FHIP1A: variants seen among roughly 807,000 people sequenced by gnomAD.
The protein encoded by FHIP1A is FHF complex subunit HOOK interacting protein 1A.
In FHIP1A, 61 loss-of-function variants were observed where a neutral mutation model predicts 88.6. The ratio of observed to expected loss-of-function variants is 0.69; its 90% CI spans 0.56 to 0.85. The LOEUF (loss-of-function observed/expected upper bound fraction) is 0.85, where lower values mean the gene tolerates loss of function less well. Among genes scored for constraint, FHIP1A ranks in the 40% least tolerant of loss-of-function variants. FHIP1A has a pLI of 0.00. For missense variants in FHIP1A, 1,154 were observed against 1,273.5 expected, an observed-to-expected ratio of 0.91 and a Z score of 1.43; for synonymous variants, 478 against 496.0, an observed-to-expected ratio of 0.96 and a Z score of 0.48.
At chr4:151,571,958 A>G (rs1052359461) in intron 4 of FHIP1A, among the ~76,000 whole-genome samples, 3 of 152,220 alleles carry the variant, frequency 2.0e-5, no homozygotes, top group African/African-American at 7.2e-5. Flanking sequence ...CTGTAATCCC[A>G]GCACTTTGGG....
At chr4:151,527,552 CGAGAGA>C (rs1190794805) in intron 3 of FHIP1A, among the ~76,000 whole-genome samples, 5 of 151,418 alleles carry the variant, frequency 3.3e-5, no homozygotes, top group Admixed American at 6.6e-5. Flanking sequence ...AGAGCGAGAG[CGAGAGA>C]GAGAGGGAGA....
intron 3 of FHIP1A, among the ~76,000 whole-genome samples, chr4:151,505,162 A>G (rs1730789054): frequency 6.6e-6 from 1 of 152,146 alleles, no homozygotes; most frequent in Admixed American, 6.5e-5. Flanking sequence ...TGTATCACAA[A>G]AGTTCTAGGG....
chr4:151,416,958 A>G (rs1043846327), intron 1 of FHIP1A, among the ~76,000 whole-genome samples: 11 of 151,716 alleles, frequency 7.3e-5, no homozygotes, highest in African/African-American at 2.4e-4. Flanking sequence ...TAATTTTTGT[A>G]TTTTTTTGTA....
intron 7 of FHIP1A, among the ~76,000 whole-genome samples, chr4:151,605,670 C>G (rs988050496): frequency 3.9e-5 from 6 of 152,194 alleles, no homozygotes; most frequent in African/African-American, 1.4e-4. Context: ...TATAAGCCGC[C>G]GTGGAGCCCA....
intron 7 of FHIP1A, among the ~76,000 whole-genome samples, chr4:151,597,619 C>T (rs1341314718): frequency 6.6e-6 from 1 of 152,156 alleles, no homozygotes; most frequent in Non-Finnish European, 1.5e-5. Flanking sequence ...TCTGCTGAGG[C>T]TGTGCCCATA....
At chr4:151,654,376 C>T (rs1054873696) in intron 11 of FHIP1A, among the ~76,000 whole-genome samples, 1 of 152,066 alleles carries the variant, frequency 6.6e-6, no homozygotes, top group Non-Finnish European at 1.5e-5. Context: ...CCCCCCTGGT[C>T]ACTGCATGGT....
chr4:151,581,805 A>T (rs552228812), intron 5 of FHIP1A, among the ~76,000 whole-genome samples: 1 of 150,324 alleles, frequency 6.7e-6, no homozygotes. Flanking sequence ...AAAGTGTGTT[A>T]GCATCAGGCT....
intron 3 of FHIP1A, among the ~76,000 whole-genome samples, chr4:151,551,242 G>A (rs753962371): frequency 6.6e-6 from 1 of 152,076 alleles, no homozygotes; most frequent in Non-Finnish European, 1.5e-5. Context: ...ATAGTGTTAA[G>A]GTAGATAGGT....
At chr4:151,446,725 C>T (rs191166093) in intron 1 of FHIP1A, among the ~76,000 whole-genome samples, 104 of 151,784 alleles carry the variant, frequency 6.9e-4, no homozygotes, top group Non-Finnish European at 1.1e-3. Flanking sequence ...AGAATGTATC[C>T]TTGTATTCAA....
intron 2 of FHIP1A, among the ~76,000 whole-genome samples, chr4:151,467,569 TA>T (rs1232445016): frequency 2.0e-5 from 3 of 152,098 alleles, no homozygotes; most frequent in Non-Finnish European, 4.4e-5. Context: ...GACATGGAAC[TA>T]ACCCAAACAC....
At chr4:151,451,806 C>CTTTTTTTTTTTTTTTT (rs112946935) in intron 1 of FHIP1A, among the ~76,000 whole-genome samples, 1 of 147,692 alleles carries the variant, frequency 6.8e-6, no homozygotes, top group African/African-American at 2.5e-5. Flanking sequence ...CTTTTTCTTT[C>CTTTTTTTTTTTTTTTT]TTTTTTTTCT....
chr4:151,574,617 A>G (rs1424393134), intron 4 of FHIP1A, among the ~76,000 whole-genome samples: 2 of 152,038 alleles, frequency 1.3e-5, no homozygotes, highest in Non-Finnish European at 2.9e-5. Flanking sequence ...TTTAAACTCA[A>G]TGGTTTGGTC....
At chr4:151,516,636 G>C (rs1413701057) in intron 3 of FHIP1A, among the ~76,000 whole-genome samples, 1 of 152,148 alleles carries the variant, frequency 6.6e-6, no homozygotes, top group Non-Finnish European at 1.5e-5. Flanking sequence ...CAAAAAGTGG[G>C]CAAAGGACAG....
rs1254204743 is a variant in FHIP1A at position 151,650,074 on chromosome 4, C to G, written c.2033C>G (p.Pro678Arg). 4.5e-6 allele frequency: 7 copies of G among 1,551,484 alleles called. No homozygotes were observed. In the African/African-American group the frequency reaches 6.8e-5, roughly 15 times the overall value. The change falls in exon 11 of 14, where the codon CCC (proline) becomes CGC (arginine). Residue 678 changes from proline (P) to arginine (R), a missense_variant. Physicochemically the swap from Pro to Arg is moderately radical, Grantham distance 103. Coordinates refer to ENST00000435205, the MANE Select transcript of FHIP1A (RefSeq NM_001109977.3). ...GCCCAGGCTGAAGTTCAGAGTGTCC[C>G]CATCAACAACGGCCCCCTCCTCAGC... ...AEAQAEVQSV[P>R]INNGPLLSTQ... is the part of the protein sequence containing the mutation.
At chr4:151,627,446 G>T (rs962148982) in intron 7 of FHIP1A, among the ~76,000 whole-genome samples, 5 of 152,160 alleles carry the variant, frequency 3.3e-5, no homozygotes, top group African/African-American at 1.2e-4. Flanking sequence ...TACATTATTG[G>T]TGCAAAGGCT....
chr4:151,626,900 G>T (rs1018383259), intron 7 of FHIP1A, among the ~76,000 whole-genome samples: 22 of 152,158 alleles, frequency 1.4e-4, no homozygotes, highest in African/African-American at 5.1e-4. Flanking sequence ...TTCCCTGGTG[G>T]TTTATTGTTA....
intron 3 of FHIP1A, among the ~76,000 whole-genome samples, chr4:151,548,931 A>G (rs534937056): frequency 6.6e-6 from 1 of 152,370 alleles, no homozygotes; most frequent in Admixed American, 6.5e-5. Context: ...TGCCCCTCGC[A>G]GATGGAACAA....
rs1384558793 is a variant in FHIP1A at position 151,649,880 on chromosome 4, C to T, written c.1839C>T (p.Pro613=). ...CAGGCCCCCCAGCACCCATTGATCC[C>T]CCCAAACACATCCAGGAGATGAAGA... ...EVSGPPAPID[P]PKHIQEMKKN... is the part of the protein sequence containing the mutation. The change falls in exon 11 of 14, where the codon CCC becomes CCT. Residue 613 remains proline (P), a synonymous_variant. Coordinates refer to ENST00000435205, the MANE Select transcript of FHIP1A (RefSeq NM_001109977.3). The T allele has an allele frequency of 1.9e-5, 30 of 1,551,474 alleles. No individual in the cohort carries two copies. Among genetic ancestry groups the T allele is most frequent in the Non-Finnish European group, 2.6e-5 (30 of 1,146,976 alleles).
intron 3 of FHIP1A, among the ~76,000 whole-genome samples, chr4:151,489,296 C>T (rs1279349004): frequency 6.6e-6 from 1 of 152,290 alleles, no homozygotes; most frequent in South Asian, 2.1e-4. Flanking sequence ...AGGTCCCCAG[C>T]TAGAGTCCAG....
Sources: allele counts gnomAD v4.1 joint callset (sites outside exome capture counted in the v4.1 genomes callset), GRCh38; gene constraint gnomAD v4.1.1; transcripts MANE v1.5; gene names NCBI Gene and HGNC (gene_info 2026-07-23, HGNC 2026-07-21).